PRKAR1B: variants seen among roughly 807,000 people sequenced by gnomAD.
PRKAR1B encodes the protein cAMP-dependent protein kinase type I-beta regulatory subunit.
Under a neutral mutation model 46.5 loss-of-function variants are expected in PRKAR1B, and 22 were observed. The ratio of observed to expected loss-of-function variants is 0.47; its 90% CI spans 0.34 to 0.68. PRKAR1B has a LOEUF of 0.68. PRKAR1B is among the 30% of genes least tolerant of loss of function. The pLI is 0.01. For synonymous variants in PRKAR1B, 259 were observed against 217.7 expected (o/e 1.19, Z -1.67); for missense variants, 445 against 535.6 (o/e 0.83, Z 1.67).
chr7:705,306 T>TAAA (rs1166269903), intron 2 of PRKAR1B, among the ~76,000 whole-genome samples: 2,966 of 109,130 alleles, frequency 0.027, 106 homozygotes, highest in African/African-American at 0.082. Flanking sequence ...CTGTCTCAAT[T>TAAA]AAAAAAAAAA....
At position 551,739 on chromosome 7, in the gene PRKAR1B, C is replaced by T. The variant is rs1275267181; in HGVS notation, c.892-269G>A. ...TCCAGAGCCACTGCCACCACCATGT[C>T]ACCACCCAAACCCCCACCTCCCGCC... On this transcript the variant is annotated intron_variant, in intron 9 of 10. Coordinates refer to ENST00000537384, the MANE Select transcript of PRKAR1B (RefSeq NM_001164760.2). 3.5e-5 allele frequency among the ~76,000 whole-genome samples: 5 copies of T among 143,992 alleles called. No individual in the cohort carries two copies. In the South Asian group the frequency reaches 1.1e-3, roughly 32 times the overall value. The allele number at this position is 143,992 out of a possible 152,430, so 94.5% of individuals were successfully genotyped here.
intron 7 of PRKAR1B, among the ~76,000 whole-genome samples, chr7:595,862 T>A: frequency 6.6e-6 from 1 of 152,134 alleles, no homozygotes; most frequent in South Asian, 2.1e-4. Flanking sequence ...CATAGTCACC[T>A]CCTGGCCCAA....
chr7:579,425 C>A (rs773863605), intron 8 of PRKAR1B, 48 bp from the exon 9 acceptor site: 36 of 1,605,546 alleles, frequency 2.2e-5, no homozygotes, highest in Admixed American at 5.0e-5. Flanking sequence ...CACGCCCCCA[C>A]AGCCACAGTC....
intron 4 of PRKAR1B, among the ~76,000 whole-genome samples, chr7:637,143 C>T (rs986665700): frequency 3.3e-5 from 5 of 152,240 alleles, no homozygotes; most frequent in African/African-American, 7.2e-5. Context: ...AAAAATTAGC[C>T]GGGCGTGGTG....
rs1205161732 is a variant in PRKAR1B at position 680,736 on chromosome 7, A to C, written c.178-10T>G. 6.2e-7 allele frequency: 1 copy of C among 1,613,714 alleles called. No homozygotes were observed. Among genetic ancestry groups the C allele is most frequent in the South Asian group, 1.1e-5 (1 of 91,062 alleles). On this transcript the variant is annotated splice_polypyrimidine_tract_variant and intron_variant, in intron 2 of 10. Coordinates refer to ENST00000537384, the MANE Select transcript of PRKAR1B (RefSeq NM_001164760.2). Reference sequence around the variant, plus strand: ...TCTGCCTGTTTTCTTCCTGTGTGGGAGAGGAAAACACAGAAAGGAAGTAAG... The same window carrying C: ...TCTGCCTGTTTTCTTCCTGTGTGGGCGAGGAAAACACAGAAAGGAAGTAAG...
chr7:591,094 G>A (rs906015555), intron 7 of PRKAR1B, among the ~76,000 whole-genome samples: 23 of 152,268 alleles, frequency 1.5e-4, no homozygotes, highest in Non-Finnish European at 7.3e-5. Flanking sequence ...TGTTTTGCCC[G>A]GGGAACCTCA....
intron 7 of PRKAR1B, among the ~76,000 whole-genome samples, chr7:595,137 G>A (rs1781199550): frequency 6.6e-6 from 1 of 152,204 alleles, no homozygotes; most frequent in Non-Finnish European, 1.5e-5. Flanking sequence ...TCTCTGGACA[G>A]CGCCTCACTG....
chr7:628,503 G>A lies in PRKAR1B; in HGVS notation c.441-21051C>T, dbSNP rs76136371. 9.4e-3 allele frequency among the ~76,000 whole-genome samples: 1,427 copies of A among 152,334 alleles called. 18 individuals carry two copies. Among genetic ancestry groups the A allele is most frequent in the African/African-American group, 0.032 (1,339 of 41,576 alleles). ...AGCCCCAGCTGTCTGCCATCAAACC[G>A]GGTTGCCGGGCTGGAGCTCCTCCCA... On this transcript the variant is annotated intron_variant, in intron 4 of 10. Coordinates refer to ENST00000537384, the MANE Select transcript of PRKAR1B (RefSeq NM_001164760.2).
At chr7:605,517 G>A (rs1272416317) in intron 6 of PRKAR1B, among the ~76,000 whole-genome samples, 1 of 152,194 alleles carries the variant, frequency 6.6e-6, no homozygotes, top group Admixed American at 6.5e-5. Context: ...GTGTGTATGT[G>A]TTTATTTACT....
At chr7:659,515 A>T (rs1785391004) in intron 4 of PRKAR1B, among the ~76,000 whole-genome samples, 2 of 152,164 alleles carry the variant, frequency 1.3e-5, no homozygotes, top group South Asian at 4.1e-4. Flanking sequence ...CTGCGCATGC[A>T]GGCAGCTGTG....
chr7:565,947 C>T (rs1779099852), intron 9 of PRKAR1B, among the ~76,000 whole-genome samples: 1 of 152,338 alleles, frequency 6.6e-6, no homozygotes, highest in South Asian at 2.1e-4. Context: ...GGCTTTACCT[C>T]TGCAAAAGGC....
chr7:698,035 GA>G (rs1779857017), intron 2 of PRKAR1B, among the ~76,000 whole-genome samples: 1 of 59,252 alleles, frequency 1.7e-5, no homozygotes, highest in Non-Finnish European at 3.1e-5. Flanking sequence ...GAGGGGAGGG[GA>G]GGGGAGGGAA....
intron 9 of PRKAR1B, among the ~76,000 whole-genome samples, chr7:557,991 C>T (rs1392546131): frequency 6.6e-6 from 1 of 152,258 alleles, no homozygotes; most frequent in South Asian, 2.1e-4. Context: ...ATTCATTTTC[C>T]TTGCGACTAT....
intron 6 of PRKAR1B, among the ~76,000 whole-genome samples, chr7:600,570 C>T (rs1301652143): frequency 6.6e-6 from 1 of 152,240 alleles, no homozygotes; most frequent in African/African-American, 2.4e-5. Context: ...GATCACCAAG[C>T]TGAGGCGCCC....
Position 711,492 on chromosome 7 carries a change from G to A in PRKAR1B, c.14C>T (p.Pro5Leu). 1.2e-6 allele frequency: 2 copies of A among 1,613,522 alleles called. No homozygotes were observed. The highest frequency in any genetic ancestry group is 1.7e-6 in the Non-Finnish European group (2 of 1,179,748). MASPPACPSEEDESL... is the reference protein window; with the variant it reads MASPLACPSEEDESL... ...CTCGTCCTCCTCCGAGGGGCAGGCG[G>A]GCGGGGAGGCCATGGCGAGGGTGGC... Residue 5 changes from proline (P) to leucine (L), a missense_variant, in exon 2 of 11, where the codon CCC becomes CTC. By Grantham distance (98) the Pro-to-Leu change is moderately conservative. This residue lies in a region of PRKAR1B where 155 missense variants were observed against 127.5 expected (regional missense o/e 1.22). Transcript: ENST00000537384.
At chr7:609,144 T>C (rs1450469852) in intron 4 of PRKAR1B, among the ~76,000 whole-genome samples, 2 of 152,134 alleles carry the variant, frequency 1.3e-5, no homozygotes, top group Non-Finnish European at 2.9e-5. Context: ...CCAGCCCCAG[T>C]CCCGGGCACC....
At chr7:676,094 G>A (rs1303298481) in intron 4 of PRKAR1B, among the ~76,000 whole-genome samples, 3 of 152,116 alleles carry the variant, frequency 2.0e-5, no homozygotes, top group African/African-American at 7.2e-5. Context: ...GGGAAAACAG[G>A]GTAGAATGAG....
rs561215372 is a variant in PRKAR1B at position 561,166 on chromosome 7, C to T, written c.892-9696G>A. On this transcript the variant is annotated intron_variant, in intron 9 of 10. Coordinates refer to ENST00000537384, the MANE Select transcript of PRKAR1B (RefSeq NM_001164760.2). ...ACACACACACCTGTGCACACACACACGGGTACGTGCATACACACATGCACA... is the reference window on the plus strand; with the variant it reads ...ACACACACACCTGTGCACACACACATGGGTACGTGCATACACACATGCACA... 1.9e-4 allele frequency among the ~76,000 whole-genome samples: 29 copies of T among 151,804 alleles called. 1 individual carries two copies. The East Asian group carries it at 3.7e-3, about 19-fold the overall frequency.
chr7:596,533 A>G (rs1583270983), intron 6 of PRKAR1B, among the ~76,000 whole-genome samples: 1 of 152,048 alleles, frequency 6.6e-6, no homozygotes, highest in African/African-American at 2.4e-5. Context: ...ACAGCATCAG[A>G]CCTCCACAGC....
Sources: allele counts gnomAD v4.1 joint callset (sites outside exome capture counted in the v4.1 genomes callset), GRCh38; gene constraint gnomAD v4.1.1; regional missense constraint gnomAD v4.1.1; transcripts MANE v1.5; gene names NCBI Gene and HGNC (gene_info 2026-07-23, HGNC 2026-07-21).